NAT16: variants seen among roughly 807,000 people sequenced by gnomAD.
NAT16 encodes probable N-acetyltransferase 16.
In NAT16, 16 loss-of-function variants were observed where a neutral mutation model predicts 15.9. That is an observed-to-expected ratio of 1.01 (90% CI 0.68 to 1.53). The LOEUF (loss-of-function observed/expected upper bound fraction) is 1.53, where lower values mean the gene tolerates loss of function less well. NAT16 is among the 40% of genes most tolerant of loss of function. The pLI, the probability that NAT16 is intolerant of heterozygous loss-of-function variation, is 0.00. For synonymous variants in NAT16, 260 were observed against 241.9 expected (o/e 1.07, Z -0.69); for missense variants, 572 against 508.4 (o/e 1.13, Z -1.20).
At position 101,172,404 on chromosome 7, in the gene NAT16, T is replaced by C. The variant is rs1173329732; in HGVS notation, c.785A>G (p.Lys262Arg). The change falls in exon 4 of 4, where the codon AAG becomes AGG. Residue 262 changes from lysine (K) to arginine (R), a missense_variant. Physicochemically the swap from Lys to Arg is conservative, Grantham distance 26 (BLOSUM62 2). Coordinates refer to ENST00000300303, the MANE Select transcript of NAT16 (RefSeq NM_198571.3). This position sits in a 1 kb window ranked among gnomAD's most constrained non-coding sequence, Gnocchi z 4.2. ...SESNLRLLAA[K>R]GLEWRVDSRA... ...GCTGTCCACGCGCCACTCCAGGCCCTTGGCCGCCAGCAGGCGCAGGTTGCT... is the reference window on the plus strand; with the variant it reads ...GCTGTCCACGCGCCACTCCAGGCCCCTGGCCGCCAGCAGGCGCAGGTTGCT... 1 of 1,576,660 alleles carries C rather than the reference T, an allele frequency of 6.3e-7. No individual in the cohort carries two copies. Among genetic ancestry groups the C allele is most frequent in the Non-Finnish European group, 8.6e-7 (1 of 1,164,064 alleles).
chr7:101,176,514 A>AG (rs1364379860), intron 1 of NAT16, among the ~76,000 whole-genome samples: 8 of 150,934 alleles, frequency 5.3e-5, no homozygotes, highest in African/African-American at 2.0e-4. Context: ...AAAAAAAAAA[A>AG]AAAAGAAGAA....
At chr7:101,174,402 G>A (rs1797417460) in intron 2 of NAT16, 94 bp downstream of exon 2, 11 of 1,429,076 alleles carry the variant, frequency 7.7e-6, no homozygotes, top group Non-Finnish European at 1.0e-5. Flanking sequence ...TCCAGAGGAA[G>A]GCTGGGGAGA....
rs778539700 is a variant in NAT16, at chr7:101,174,674, C to T, written c.134G>A (p.Gly45Glu). ...EVEAEPRSGS[G>E]PEAEAEPLDF... ...CAATGGCTCGGCCTCAGCCTCAGGC[C>T]CCGATCCCGACCTGGGCTCGGCCTC... Residue 45 changes from glycine (G) to glutamate (E), a missense_variant, in exon 2 of 4, where the codon GGG becomes GAG. By Grantham distance (98) the Gly-to-Glu change is moderately conservative (BLOSUM62 -2). Transcript: ENST00000300303. 3.1e-6 allele frequency: 5 copies of T among 1,614,010 alleles called. No homozygotes were observed. Among genetic ancestry groups the T allele is most frequent in the Non-Finnish European group, 4.2e-6 (5 of 1,180,014 alleles).
At chr7:101,179,686 C>CAGGGTCTTCCCGAGTG (rs1331047605) in intron 1 of NAT16, among the ~76,000 whole-genome samples, 1 of 151,580 alleles carries the variant, frequency 6.6e-6, no homozygotes, top group East Asian at 2.0e-4. Context: ...GGCTGTCCTG[C>CAGGGTCTTCCCGAGTG]AGGGTCTTCC....
intron 1 of NAT16, among the ~76,000 whole-genome samples, chr7:101,179,827 C>A (rs1185778756): frequency 7.0e-6 from 1 of 142,706 alleles, no homozygotes; most frequent in African/African-American, 2.7e-5. Context: ...CAGGTGGGAG[C>A]GACATGGCAA....
At chr7:101,176,630 C>T (rs1403740843) in intron 1 of NAT16, among the ~76,000 whole-genome samples, 2 of 146,628 alleles carry the variant, frequency 1.4e-5, no homozygotes, top group Non-Finnish European at 3.0e-5. Flanking sequence ...TCTGTCCACT[C>T]CAGGACTAGG....
In NAT16 at chr7:101,171,879, TG is replaced by T; in HGVS notation, c.*199del. On this transcript the variant is annotated 3_prime_UTR_variant, in exon 4 of 4. Transcript: ENST00000300303. ...CAAGTTCAGGTCAGGGAGTGGGCAA[TG>T]GTGTTTGGGGGAGCTAGAGGCAAGA... 1.8e-6 allele frequency: 1 copy of T among 553,028 alleles called. No individual in the cohort carries two copies. Among genetic ancestry groups the T allele is most frequent in the Non-Finnish European group, 3.2e-6 (1 of 312,586 alleles). 34.3% of individuals were successfully genotyped at this position (553,028 alleles called of 1,614,324 possible). A position where few individuals can be genotyped will look rare whatever the true frequency, so the allele number is the denominator to read the frequency against.
intron 1 of NAT16, among the ~76,000 whole-genome samples, chr7:101,177,421 C>T (rs1409886035): frequency 1.3e-5 from 2 of 152,218 alleles, no homozygotes; most frequent in African/African-American, 2.4e-5. Flanking sequence ...TAGCTCACTG[C>T]AGCCTCAACC....
chr7:101,174,539 T>C lies in NAT16; in HGVS notation c.269A>G (p.Asp90Gly). The change falls in exon 2 of 4, where the codon GAC (aspartate) becomes GGC (glycine). Residue 90 changes from aspartate to glycine, a missense_variant. Coordinates refer to ENST00000300303, the MANE Select transcript of NAT16 (RefSeq NM_198571.3). ...GGCCAGCACCACCGTGCGGTCGGGG[T>C]CCCGGAGCCAGCTGTGGTAGCGGCT... Reference protein sequence around the residue: ...LPSRYHSWLRDPDRTVVLAKR... With the variant: ...LPSRYHSWLRGPDRTVVLAKR... 1 of 1,613,770 alleles carries C rather than the reference T, an allele frequency of 6.2e-7. No individual in the cohort carries two copies. Among genetic ancestry groups the C allele is most frequent in the Non-Finnish European group, 8.5e-7 (1 of 1,179,884 alleles).
Position 101,172,371 on chromosome 7 carries a change from C to T in NAT16, c.818G>A (p.Arg273His), listed in dbSNP as rs1797344892. 4 of 1,573,186 alleles carry T rather than the reference C, an allele frequency of 2.5e-6. No homozygotes were observed. The highest frequency in any genetic ancestry group is 1.4e-5 in the African/African-American group (1 of 73,652). ...GLEWRVDSRA[R>H]PRVLTLCTRP... ...CGTGCACAGCGTGAGCACGCGCGGG[C>T]GCGCGCGGCTGTCCACGCGCCACTC... is the stretch of plus-strand genomic sequence containing the variant. The change falls in exon 4 of 4, where the codon CGC becomes CAC. Residue 273 changes from arginine (R) to histidine (H), a missense_variant. Coordinates refer to ENST00000300303, the MANE Select transcript of NAT16 (RefSeq NM_198571.3). The surrounding 1 kb of genome is among the most constrained non-coding windows in gnomAD (Gnocchi z 4.2).
Position 101,172,721 on chromosome 7 carries a change from A to C in NAT16, c.538-70T>G. On this transcript the variant is annotated intron_variant, in intron 3 of 3. Coordinates refer to ENST00000300303, the MANE Select transcript of NAT16 (RefSeq NM_198571.3). The surrounding 1 kb of genome is among the most constrained non-coding windows in gnomAD (Gnocchi z 4.2). ...GCTGGCGAGCCCGGCGCCTCTCGGC[A>C]GGCATCTTCACTCCCACGTTCACGC... 1 of 1,250,670 alleles carries C rather than the reference A, an allele frequency of 8.0e-7. No individual in the cohort carries two copies. Among genetic ancestry groups the C allele is most frequent in the East Asian group, 2.9e-5 (1 of 34,394 alleles). 77.5% of individuals were successfully genotyped at this position (1,250,670 alleles called of 1,614,324 possible). A position where few individuals can be genotyped will look rare whatever the true frequency, so the allele number is the denominator to read the frequency against.
chr7:101,177,507 T>C (rs1797492585), intron 1 of NAT16, among the ~76,000 whole-genome samples: 1 of 152,028 alleles, frequency 6.6e-6, no homozygotes, highest in African/African-American at 2.4e-5. Flanking sequence ...CACACCTGGC[T>C]ACTTTCTAAA....
chr7:101,177,902 G>C (rs1797501463), intron 1 of NAT16, among the ~76,000 whole-genome samples: 1 of 152,158 alleles, frequency 6.6e-6, no homozygotes, highest in African/African-American at 2.4e-5. Flanking sequence ...AGGACAATGG[G>C]TCCCAGAGAA....
intron 1 of NAT16, among the ~76,000 whole-genome samples, chr7:101,175,871 G>A (rs1388219220): frequency 2.0e-5 from 3 of 151,312 alleles, no homozygotes; most frequent in Non-Finnish European, 2.9e-5. Context: ...GCAGTGAGCC[G>A]GGATCACACC....
Position 101,174,593 on chromosome 7 carries a change from C to T in NAT16, c.215G>A (p.Gly72Asp), listed in dbSNP as rs201666132. 26 of 1,614,102 alleles carry T rather than the reference C, an allele frequency of 1.6e-5. No homozygotes were observed. In the African/African-American group the frequency reaches 2.4e-4, roughly 15 times the overall value. Reference protein sequence around the residue: ...EFEEVLAISGGIYGGLDYLPS... With the variant: ...EFEEVLAISGDIYGGLDYLPS... The stretch of plus-strand genomic sequence containing the variant: ...AAGGTAGTCCAGGCCGCCGTAGATG[C>T]CCCCCGAGATGGCCAGCACTTCCTC... Residue 72 changes from glycine to aspartate, a missense_variant, in exon 2 of 4, where the codon GGC (glycine) becomes GAC (aspartate). Coordinates refer to ENST00000300303, the MANE Select transcript of NAT16 (RefSeq NM_198571.3).
Position 101,180,262 on chromosome 7 carries a change from G to A in NAT16, c.-225C>T, listed in dbSNP as rs1255775360. The stretch of plus-strand genomic sequence containing the variant: ...CAGCTCCGTTGGCGACGCGGGCCGG[G>A]GCGCCCATCGGTTCAGGGGTTCGGG... On this transcript the variant is annotated 5_prime_UTR_variant, in exon 1 of 4. Coordinates refer to ENST00000300303, the MANE Select transcript of NAT16 (RefSeq NM_198571.3). The A allele has an allele frequency of 1.3e-5, 2 of 152,258 alleles. No individual in the cohort carries two copies. The highest frequency in any genetic ancestry group is 2.9e-5 in the Non-Finnish European group (2 of 68,084). 9.4% of individuals were successfully genotyped at this position (152,258 alleles called of 1,614,324 possible). A position where few individuals can be genotyped will look rare whatever the true frequency, so the allele number is the denominator to read the frequency against.
chr7:101,173,404 G>A lies in NAT16; in HGVS notation c.429C>T (p.Cys143=), dbSNP rs143983491. ...GGTGCTGTCTCTTGACCAGCTGCGAGCAGAAGCGCTGCAGCAGCCCGGCCA... is the reference window on the plus strand; with the variant it reads ...GGTGCTGTCTCTTGACCAGCTGCGAACAGAAGCGCTGCAGCAGCCCGGCCA... The part of the protein sequence containing the change: ...KGVAGLLQRF[C]SQLVKRQHPG... Residue 143 remains cysteine, a synonymous_variant, in exon 3 of 4, where the codon TGC becomes TGT. Transcript: ENST00000300303. 4.3e-3 allele frequency: 6,928 copies of A among 1,613,732 alleles called. 17 individuals are homozygous for A. The highest frequency in any genetic ancestry group is 5.0e-3 in the Non-Finnish European group (5,867 of 1,179,812).
At position 101,172,563 on chromosome 7, in the gene NAT16, G is replaced by A. The variant is rs2116723300; in HGVS notation, c.626C>T (p.Ser209Leu). ...GGACACGGCCTCGGTGGGCAGCGGC[G>A]AGAAGGTGCCAGAGGTCCGCAGCGC... Reference protein sequence around the residue: ...LAALRTSGTFSPLPTEAVSEA... With the variant: ...LAALRTSGTFLPLPTEAVSEA... The change falls in exon 4 of 4, where the codon TCG becomes TTG. Residue 209 changes from serine (S) to leucine (L), a missense_variant. Transcript: ENST00000300303. The surrounding 1 kb of genome is among the most constrained non-coding windows in gnomAD (Gnocchi z 4.2). 1.3e-6 allele frequency: 2 copies of A among 1,548,058 alleles called. No individual in the cohort carries two copies. The highest frequency in any genetic ancestry group is 1.2e-5 in the South Asian group (1 of 85,666).
intron 1 of NAT16, among the ~76,000 whole-genome samples, chr7:101,178,013 A>G (rs1797503625): frequency 1.3e-5 from 2 of 152,204 alleles, no homozygotes; most frequent in Non-Finnish European, 2.9e-5. Context: ...TGGTGCTTCC[A>G]GCAATACCCT....
Sources: allele counts gnomAD v4.1 joint callset (sites outside exome capture counted in the v4.1 genomes callset), GRCh38; gene constraint gnomAD v4.1.1; non-coding constraint Gnocchi (gnomAD v3.1); transcripts MANE v1.5; gene names NCBI Gene and HGNC (gene_info 2026-07-23, HGNC 2026-07-21).